The following DAB1 variants were observed in gnomAD, a reference collection of about 807,000 sequenced individuals.
DAB1 encodes the protein DAB adaptor protein 1, also known as disabled homolog 1.
A neutral mutation model predicts 64.6 loss-of-function variants in DAB1; 15 were observed. The observed-to-expected ratio is 0.23, with a 90% CI of 0.16 to 0.36. The LOEUF is 0.36. Among genes scored for constraint, DAB1 ranks in the 10% least tolerant of loss-of-function variants. DAB1 has a pLI of 1.00. For missense variants in DAB1, 596 were observed against 706.7 expected, an observed-to-expected ratio of 0.84 and a Z score of 1.78; for synonymous variants, 235 against 251.9, an observed-to-expected ratio of 0.93 and a Z score of 0.64.
At chr1:57,419,874 T>C (rs986075713) in intron 1 of DAB1, among the ~76,000 whole-genome samples, 13 of 152,248 alleles carry the variant, frequency 8.5e-5, no homozygotes, top group Non-Finnish European at 1.6e-4. Flanking sequence ...TCCAGACTCC[T>C]TACCACCTGC....
At chr1:57,287,772 T>G (rs1672432367) in intron 2 of DAB1, among the ~76,000 whole-genome samples, 1 of 148,736 alleles carries the variant, frequency 6.7e-6, no homozygotes, top group Non-Finnish European at 1.5e-5. Flanking sequence ...GCACGTTTTC[T>G]CTCTCTTTTA....
intron 3 of DAB1, among the ~76,000 whole-genome samples, chr1:58,393,300 G>A (rs1054455135): frequency 6.6e-5 from 10 of 152,054 alleles, no homozygotes; most frequent in African/African-American, 2.4e-4. Flanking sequence ...GATAATACAA[G>A]TTAATGCCCA....
At chr1:57,040,100 C>T (rs1395243933) in intron 9 of DAB1, among the ~76,000 whole-genome samples, 1 of 152,044 alleles carries the variant, frequency 6.6e-6, no homozygotes, top group Non-Finnish European at 1.5e-5. Context: ...GTATATGGGG[C>T]CCAGCTCAGA....
chr1:57,687,974 A>C (rs921480111), intron 6 of DAB1, among the ~76,000 whole-genome samples: 3 of 152,226 alleles, frequency 2.0e-5, no homozygotes, highest in African/African-American at 2.4e-5. Flanking sequence ...AAGAAAATCT[A>C]GGAAATATCC....
At chr1:57,176,057 G>A (rs1411389052) in intron 2 of DAB1, among the ~76,000 whole-genome samples, 1 of 152,114 alleles carries the variant, frequency 6.6e-6, no homozygotes, top group Admixed American at 6.5e-5. Flanking sequence ...CCATAGTGTG[G>A]CATAATAAGA....
chr1:57,003,257 C>T (rs903820911), intron 14 of DAB1, among the ~76,000 whole-genome samples: 2 of 152,158 alleles, frequency 1.3e-5, no homozygotes, highest in African/African-American at 4.8e-5. Context: ...ATTATGTGCT[C>T]GACTACAGCA....
At chr1:58,496,210 A>G (rs923804067) in intron 3 of DAB1, among the ~76,000 whole-genome samples, 1 of 149,384 alleles carries the variant, frequency 6.7e-6, no homozygotes, top group Admixed American at 6.7e-5. Context: ...TGGTTGTGCT[A>G]TGTTCCTCTA....
intron 1 of DAB1, among the ~76,000 whole-genome samples, chr1:57,381,617 A>G (rs1040973695): frequency 2.6e-5 from 4 of 152,084 alleles, no homozygotes; most frequent in African/African-American, 7.2e-5. Context: ...TTCAATGGAA[A>G]TTTGTTGTGA....
At chr1:58,019,554 T>C (rs1646787856) in intron 5 of DAB1, among the ~76,000 whole-genome samples, 2 of 152,222 alleles carry the variant, frequency 1.3e-5, no homozygotes, top group South Asian at 4.1e-4. Flanking sequence ...TCTTATGTTA[T>C]CCTATTTCAC....
At chr1:58,377,976 T>G (rs1311886913) in intron 3 of DAB1, among the ~76,000 whole-genome samples, 1 of 141,868 alleles carries the variant, frequency 7.0e-6, no homozygotes, top group African/African-American at 2.6e-5. Flanking sequence ...TCGCATCGGC[T>G]CCTGAGGCTT....
chr1:57,582,900 C>T (rs915364972), intron 7 of DAB1, among the ~76,000 whole-genome samples: 1 of 152,194 alleles, frequency 6.6e-6, no homozygotes, highest in African/African-American at 2.4e-5. Flanking sequence ...GCGCCTATGA[C>T]CCAGTTTTGG....
At chr1:58,185,616 G>A (rs1657032137) in intron 4 of DAB1, among the ~76,000 whole-genome samples, 2 of 151,992 alleles carry the variant, frequency 1.3e-5, no homozygotes, top group South Asian at 4.2e-4. Context: ...TATCCCTCTG[G>A]CACTACTTCT....
chr1:57,396,797 TA>T (rs1210832504), intron 1 of DAB1, among the ~76,000 whole-genome samples: 1 of 152,192 alleles, frequency 6.6e-6, no homozygotes, highest in African/African-American at 2.4e-5. Flanking sequence ...AAGAACTTGT[TA>T]GTAAGTCCAG....
intron 1 of DAB1, among the ~76,000 whole-genome samples, chr1:57,831,760 C>A (rs1292900555): frequency 6.6e-6 from 1 of 151,970 alleles, no homozygotes; most frequent in East Asian, 1.9e-4. Context: ...CCAGGCTGGT[C>A]TCAAATTCCT....
At chr1:57,969,314 T>C (rs756607687) in intron 5 of DAB1, among the ~76,000 whole-genome samples, 2 of 152,112 alleles carry the variant, frequency 1.3e-5, no homozygotes, top group African/African-American at 4.8e-5. Context: ...CAAATGTTAA[T>C]ATATGTATGT....
intron 4 of DAB1, among the ~76,000 whole-genome samples, chr1:57,114,243 G>A (rs915934116): frequency 2.4e-5 from 3 of 124,322 alleles, no homozygotes; most frequent in African/African-American, 5.6e-5. Flanking sequence ...TGGAACAAAC[G>A]CCGTTTATGA....
chr1:58,311,253 T>G (rs545337100), intron 4 of DAB1, among the ~76,000 whole-genome samples: 9 of 152,188 alleles, frequency 5.9e-5, no homozygotes, highest in African/African-American at 1.9e-4. Context: ...TCTTCAGCTG[T>G]CTTTGCTTTA....
intron 4 of DAB1, among the ~76,000 whole-genome samples, chr1:58,172,941 T>G (rs1243481172): frequency 6.6e-6 from 1 of 152,222 alleles, no homozygotes; most frequent in Non-Finnish European, 1.5e-5. Flanking sequence ...GGAACCCCCA[T>G]TAAATACCAC....
chr1:58,433,779 G>T (rs1294315095), intron 3 of DAB1, among the ~76,000 whole-genome samples: 2 of 152,058 alleles, frequency 1.3e-5, no homozygotes, highest in Non-Finnish European at 2.9e-5. Flanking sequence ...ATTTATGAGG[G>T]CAGAGCACTC....
Sources: gnomAD v4.1 joint callset for allele counts (sites outside exome capture counted in the v4.1 genomes callset) on GRCh38, gnomAD v4.1.1 for gene constraint, MANE v1.5 for transcripts, NCBI Gene and HGNC (gene_info 2026-07-23, HGNC 2026-07-21) for gene names.